Variants in OPRL1 observed in about 807,000 individuals in gnomAD.
OPRL1 encodes the protein opioid related nociceptin receptor 1, also known as nociceptin receptor.
OPRL1 carries 5 observed loss-of-function variants against 15.5 expected under a neutral mutation model. The observed-to-expected ratio is 0.32, with a 90% CI of 0.17 to 0.68. OPRL1 has a LOEUF of 0.68. OPRL1 is among the 30% of genes least tolerant of loss of function. The pLI, the probability that OPRL1 is intolerant of heterozygous loss-of-function variation, is 0.72. For missense variants in OPRL1, 406 were observed against 515.3 expected (o/e 0.79, Z 2.05); for synonymous variants, 223 against 230.2 (o/e 0.97, Z 0.28).
rs1979704532 is a variant in OPRL1 at position 64,100,570 on chromosome 20, C to T, written c.*1771C>T. ...CGTTACTTCCTGTGCACGTAGCCAGCCCTGGGTCTGTCTCTGGGGTAATGA... is the reference window on the plus strand; with the variant it reads ...CGTTACTTCCTGTGCACGTAGCCAGTCCTGGGTCTGTCTCTGGGGTAATGA... On this transcript the variant is annotated 3_prime_UTR_variant, in exon 5 of 5. Coordinates refer to ENST00000336866, the MANE Select transcript of OPRL1 (RefSeq NM_182647.4). The T allele has an allele frequency of 6.6e-6, 1 of 152,188 alleles. No individual in the cohort carries two copies. Among genetic ancestry groups the T allele is most frequent in the Non-Finnish European group, 1.5e-5 (1 of 68,036 alleles). The allele number at this position is 152,188 out of a possible 1,614,324, so 9.4% of individuals were successfully genotyped here.
chr20:64,088,691 CAGGGAGGCCAGGGTCT>C (rs1569271807), intron 1 of OPRL1, among the ~76,000 whole-genome samples: 3 of 101,496 alleles, frequency 3.0e-5, no homozygotes, highest in Admixed American at 2.0e-4. Flanking sequence ...AGGATCTGTG[CAGGGAGGCCAGGGTCT>C]GTGCAGAGTG....
chr20:64,086,154 C>G (rs2060047811), intron 1 of OPRL1, among the ~76,000 whole-genome samples: 1 of 152,230 alleles, frequency 6.6e-6, no homozygotes, highest in African/African-American at 2.4e-5. Context: ...GAGACAGGGA[C>G]CTGGGCCATC....
rs899707560 is a variant in OPRL1, at chr20:64,090,491, G to C, written c.-184-1475G>C. On this transcript the variant is annotated intron_variant, in intron 1 of 4. Coordinates refer to ENST00000336866, the MANE Select transcript of OPRL1 (RefSeq NM_182647.4). This position sits in a 1 kb window ranked among gnomAD's most constrained non-coding sequence, Gnocchi z 4.9. ...GTCCCCACTCATGGAGAAGGTGCTC[G>C]GAGCAGGGTCTGAGCTGTGTGGGGA... 6.6e-6 allele frequency among the ~76,000 whole-genome samples: 1 copy of C among 152,226 alleles called. No homozygotes were observed. The highest frequency in any genetic ancestry group is 2.4e-5 in the African/African-American group (1 of 41,460).
chr20:64,083,748 G>T lies in OPRL1; in HGVS notation c.-185+3396G>T. On this transcript the variant is annotated intron_variant, in intron 1 of 4. Transcript: ENST00000336866. This position sits in a 1 kb window ranked among gnomAD's most constrained non-coding sequence, Gnocchi z 4.9. ...CTGAGCGCGCGCCGAGCCCCGCCCC[G>T]CCCCGCCCCGGCCGGCTCCGCTCAA... is the stretch of plus-strand genomic sequence containing the variant. The T allele has an allele frequency of 8.4e-7, 1 of 1,189,900 alleles. No homozygotes were observed. Among genetic ancestry groups the T allele is most frequent in the South Asian group, 2.1e-5 (1 of 47,676 alleles). The allele number at this position is 1,189,900 out of a possible 1,614,324, so 73.7% of individuals were successfully genotyped here. A position where few individuals can be genotyped will look rare whatever the true frequency, so the allele number is the denominator to read the frequency against.
In OPRL1 at chr20:64,083,368, A is replaced by C. The variant is rs1354087531; in HGVS notation, c.-185+3016A>C. On this transcript the variant is annotated intron_variant, in intron 1 of 4. Coordinates refer to ENST00000336866, the MANE Select transcript of OPRL1 (RefSeq NM_182647.4). This position sits in a 1 kb window ranked among gnomAD's most constrained non-coding sequence, Gnocchi z 4.9. ...CCTGGGGAGTGGCAGCAAAAAGACCAGCGAGCCTTCGGAGAATTATAACTT... is the reference window on the plus strand; with the variant it reads ...CCTGGGGAGTGGCAGCAAAAAGACCCGCGAGCCTTCGGAGAATTATAACTT... 6.2e-7 allele frequency: 1 copy of C among 1,607,352 alleles called. No homozygotes were observed. Among genetic ancestry groups the C allele is most frequent in the Non-Finnish European group, 8.5e-7 (1 of 1,177,536 alleles).
rs770191548 is a variant in OPRL1, at chr20:64,098,433, G to C, written c.747G>C (p.Ser249=). The stretch of plus-strand genomic sequence containing the variant: ...GGCTCCGTGGAGTCCGCCTGCTCTC[G>C]GGCTCCCGAGAGAAGGACCGGAACC... ...IRRLRGVRLL[S]GSREKDRNLR... Residue 249 remains serine (S), a synonymous_variant, in exon 5 of 5, where the codon TCG becomes TCC. Transcript: ENST00000336866. The C allele has an allele frequency of 6.2e-7, 1 of 1,613,496 alleles. No individual in the cohort carries two copies. The highest frequency in any genetic ancestry group is 1.7e-5 in the Admixed American group (1 of 60,024).
At chr20:64,091,916 G>GCAT (rs1372820533) in intron 1 of OPRL1, 50 bp from the exon 2 acceptor site, 1 of 152,634 alleles carries the variant, frequency 6.6e-6, no homozygotes, top group African/African-American at 2.4e-5. Context: ...CCTCCAGCCT[G>GCAT]CATAGCCCCT....
chr20:64,095,037 G>T (rs1390487982), intron 3 of OPRL1, among the ~76,000 whole-genome samples: 6 of 4,076 alleles, frequency 1.5e-3, no homozygotes, highest in African/African-American at 4.4e-3. Context: ...TGTGGGGATA[G>T]TTGGGGGGAG....
chr20:64,089,797 T>G lies in OPRL1; in HGVS notation c.-184-2169T>G, dbSNP rs1445024582. On this transcript the variant is annotated intron_variant, in intron 1 of 4. Coordinates refer to ENST00000336866, the MANE Select transcript of OPRL1 (RefSeq NM_182647.4). The surrounding 1 kb of genome is among the most constrained non-coding windows in gnomAD (Gnocchi z 5.5). ...TGTCCTTCCCTTACGAGGTCTCTGCTCTGCCCACCCTCAGTGCCTACAGTG... is the reference window on the plus strand; with the variant it reads ...TGTCCTTCCCTTACGAGGTCTCTGCGCTGCCCACCCTCAGTGCCTACAGTG... Among the ~76,000 whole-genome samples, 1 of 152,202 alleles carries G rather than the reference T, an allele frequency of 6.6e-6. No individual in the cohort carries two copies. Among genetic ancestry groups the G allele is most frequent in the East Asian group, 1.9e-4 (1 of 5,186 alleles).
At chr20:64,084,083 AG>A in intron 1 of OPRL1, 1 of 1,491,256 alleles carries the variant, frequency 6.7e-7, no homozygotes, top group Non-Finnish European at 8.9e-7. Context: ...CTGCGGCGTC[AG>A]GGCCCAGCCC....
chr20:64,083,523 G>C lies in OPRL1; in HGVS notation c.-185+3171G>C, dbSNP rs766099298. ...CCGGGGAGAGAGGCTGGGGTCCGGCGTGTGCGGAGGCGGGCAGGGCCCCTC... is the reference window on the plus strand; with the variant it reads ...CCGGGGAGAGAGGCTGGGGTCCGGCCTGTGCGGAGGCGGGCAGGGCCCCTC... On this transcript the variant is annotated intron_variant, in intron 1 of 4. Coordinates refer to ENST00000336866, the MANE Select transcript of OPRL1 (RefSeq NM_182647.4). This position sits in a 1 kb window ranked among gnomAD's most constrained non-coding sequence, Gnocchi z 4.9. The C allele has an allele frequency of 3.2e-6, 5 of 1,568,046 alleles. No individual in the cohort carries two copies. The African/African-American group carries it at 5.4e-5, about 17-fold the overall frequency.
Position 64,083,998 on chromosome 20 carries a change from C to T in OPRL1, c.-185+3646C>T, listed in dbSNP as rs1225829426. On this transcript the variant is annotated intron_variant, in intron 1 of 4. Coordinates refer to ENST00000336866, the MANE Select transcript of OPRL1 (RefSeq NM_182647.4). The surrounding 1 kb of genome is among the most constrained non-coding windows in gnomAD (Gnocchi z 4.9). Reference sequence around the variant, plus strand: ...ACCCGCACGGGAAGGTGGAGGCCGCCGCGCCCACGTCCTCCAGCAGGTCGC... The same window carrying T: ...ACCCGCACGGGAAGGTGGAGGCCGCTGCGCCCACGTCCTCCAGCAGGTCGC... 2 of 1,490,316 alleles carry T rather than the reference C, an allele frequency of 1.3e-6. No homozygotes were observed. Among genetic ancestry groups the T allele is most frequent in the Admixed American group, 2.2e-5 (1 of 45,636 alleles). 92.3% of individuals were successfully genotyped at this position (1,490,316 alleles called of 1,614,324 possible).
chr20:64,092,571 C>G lies in OPRL1; in HGVS notation c.-33-117C>G, dbSNP rs547004755. On this transcript the variant is annotated intron_variant, in intron 2 of 4. Transcript: ENST00000336866. Reference sequence around the variant, plus strand: ...TGTGTGTGCCCGTGTGCCTCAGTGTCTGTGGCTGCCCAGCGTGGGGGTCCA... The same window carrying G: ...TGTGTGTGCCCGTGTGCCTCAGTGTGTGTGGCTGCCCAGCGTGGGGGTCCA... 7 of 693,720 alleles carry G rather than the reference C, an allele frequency of 1.0e-5. No homozygotes were observed. In the South Asian group the frequency reaches 1.1e-4, roughly 11 times the overall value. 43.0% of individuals were successfully genotyped at this position (693,720 alleles called of 1,614,324 possible).
At chr20:64,091,440 G>A (rs1004135915) in intron 1 of OPRL1, among the ~76,000 whole-genome samples, 5 of 152,250 alleles carry the variant, frequency 3.3e-5, no homozygotes, top group Non-Finnish European at 5.9e-5. Context: ...CTGAGGCTTC[G>A]TGCTCTCAGC....
chr20:64,098,010 C>T lies in OPRL1; in HGVS notation c.442C>T (p.Arg148Cys), dbSNP rs746548457. 9.3e-6 allele frequency: 15 copies of T among 1,613,488 alleles called. No individual in the cohort carries two copies. The highest frequency in any genetic ancestry group is 3.3e-5 in the South Asian group (3 of 91,090). ...TFTLTAMSVDRYVAICHPIRA... is the reference protein window; with the variant it reads ...TFTLTAMSVDCYVAICHPIRA... ...CACCCTAACTGCCATGAGTGTGGAT[C>T]GCTATGTAGCCATCTGCCACCCCAT... Residue 148 changes from arginine (R) to cysteine (C), a missense_variant, in exon 4 of 5, where the codon CGC (arginine) becomes TGC (cysteine). Coordinates refer to ENST00000336866, the MANE Select transcript of OPRL1 (RefSeq NM_182647.4).
rs1293964276 is a variant in OPRL1 at position 64,099,916 on chromosome 20, G to C, written c.*1117G>C. On this transcript the variant is annotated 3_prime_UTR_variant, in exon 5 of 5. Transcript: ENST00000336866. ...AAGCTGTGTGGAAGGAGAAGCTGGT[G>C]GCCACAGCAGAGTCCTGCTCTGGGG... 1 of 152,352 alleles carries C rather than the reference G, an allele frequency of 6.6e-6. No homozygotes were observed. Among genetic ancestry groups the C allele is most frequent in the African/African-American group, 2.4e-5 (1 of 41,460 alleles). 9.4% of individuals were successfully genotyped at this position (152,352 alleles called of 1,614,324 possible).
intron 1 of OPRL1, among the ~76,000 whole-genome samples, chr20:64,088,483 A>AGGGAGGGCAGGGTCTGTG (rs2060075539): frequency 7.0e-6 from 1 of 142,498 alleles, no homozygotes; most frequent in African/African-American, 2.7e-5. Flanking sequence ...CAGGATCTGT[A>AGGGAGGGCAGGGTCTGTG]CAGAGGGACC....
At position 64,098,315 on chromosome 20, in the gene OPRL1, A is replaced by C; in HGVS notation, c.629A>C (p.Tyr210Ser). The C allele has an allele frequency of 6.2e-7, 1 of 1,613,704 alleles. No homozygotes were observed. The highest frequency in any genetic ancestry group is 8.5e-7 in the Non-Finnish European group (1 of 1,179,928). The change falls in exon 5 of 5, where the codon TAC becomes TCC. Residue 210 changes from tyrosine to serine, a missense_variant. Tyr to Ser is a moderately radical substitution (Grantham distance 144, BLOSUM62 -2). Transcript: ENST00000336866. ...CLVEIPTPQD[Y>S]WGPVFAICIF... ...GTGGAGATCCCTACCCCTCAGGATT[A>C]CTGGGGCCCGGTGTTTGCCATCTGC...
Position 64,089,064 on chromosome 20 carries a change from A to G in OPRL1, c.-184-2902A>G, listed in dbSNP as rs1471740477. Among the ~76,000 whole-genome samples, 3 of 58,008 alleles carry G rather than the reference A, an allele frequency of 5.2e-5. No homozygotes were observed. The highest frequency in any genetic ancestry group is 9.6e-5 in the Non-Finnish European group (3 of 31,216). 38.1% of individuals were successfully genotyped at this position (58,008 alleles called of 152,430 possible). A position where few individuals can be genotyped will look rare whatever the true frequency, so the allele number is the denominator to read the frequency against. On this transcript the variant is annotated intron_variant, in intron 1 of 4. Coordinates refer to ENST00000336866, the MANE Select transcript of OPRL1 (RefSeq NM_182647.4). The surrounding 1 kb of genome is among the most constrained non-coding windows in gnomAD (Gnocchi z 5.5). Reference sequence around the variant, plus strand: ...GGTCTGTACCGTGGGCTAGGGGTCTATGTGGGTGGGGGGCAGGTTCTGCGC... The same window carrying G: ...GGTCTGTACCGTGGGCTAGGGGTCTGTGTGGGTGGGGGGCAGGTTCTGCGC...
Sources: allele counts gnomAD v4.1 joint callset (sites outside exome capture counted in the v4.1 genomes callset), GRCh38; gene constraint gnomAD v4.1.1; non-coding constraint Gnocchi (gnomAD v3.1); transcripts MANE v1.5; gene names NCBI Gene and HGNC (gene_info 2026-07-23, HGNC 2026-07-21).